Variants in ANK2 observed in about 807,000 individuals in gnomAD.
ANK2 encodes ankyrin-2.
A neutral mutation model predicts 360.5 loss-of-function variants in ANK2; 83 were observed. The observed-to-expected ratio is 0.23, with a 90% CI of 0.19 to 0.28. The LOEUF is 0.28. Among genes scored for constraint, ANK2 ranks in the 10% least tolerant of loss-of-function variants. The probability of loss-of-function intolerance (pLI) is 1.00; values close to 1 mark genes in which losing one functional copy is unlikely to be tolerated. For synonymous variants in ANK2, 1,740 were observed against 1,759.5 expected (o/e 0.99, Z 0.28); for missense variants, 4,201 against 4,795.7 (o/e 0.88, Z 3.66).
chr4:113,351,323 T>C (rs1466968769), intron 37 of ANK2, among the ~76,000 whole-genome samples: 3 of 152,176 alleles, frequency 2.0e-5, no homozygotes, highest in Non-Finnish European at 4.4e-5. Flanking sequence ...CCTAGGACAA[T>C]GTAATTTACT....
intron 1 of ANK2, among the ~76,000 whole-genome samples, chr4:113,111,783 T>C (rs2094325184): frequency 6.6e-6 from 1 of 152,226 alleles, no homozygotes; most frequent in Admixed American, 6.5e-5. Flanking sequence ...AAGATATTAG[T>C]TTCAAACTTG....
At chr4:113,001,119 G>C (rs1441228015) in intron 2 of ANK2, among the ~76,000 whole-genome samples, 1 of 152,056 alleles carries the variant, frequency 6.6e-6, no homozygotes, top group Non-Finnish European at 1.5e-5. Context: ...TGGATCACCT[G>C]TCAGGAATTT....
chr4:112,881,901 A>T, intron 1 of ANK2: 1 of 704,880 alleles, frequency 1.4e-6, no homozygotes, highest in Non-Finnish European at 2.6e-6. Flanking sequence ...TGGTTCCACA[A>T]CTCTCCCATC....
chr4:112,863,287 C>G (rs1041808716), intron 1 of ANK2, among the ~76,000 whole-genome samples: 1 of 151,884 alleles, frequency 6.6e-6, no homozygotes, highest in African/African-American at 2.4e-5. Flanking sequence ...GAAATAGTGG[C>G]TATGTATGGG....
intron 1 of ANK2, among the ~76,000 whole-genome samples, chr4:112,893,978 C>T (rs370284237): frequency 1.6e-4 from 24 of 152,138 alleles, no homozygotes; most frequent in African/African-American, 4.6e-4. Context: ...GCCTGGGCAA[C>T]GGAGCAACAC....
At chr4:112,914,808 A>G (rs74649156) in intron 2 of ANK2, among the ~76,000 whole-genome samples, 5,912 of 152,214 alleles carry the variant, frequency 0.039, 493 homozygotes, top group East Asian at 0.31. Context: ...GTTTTTTTAG[A>G]ATCAAATTCC....
chr4:113,272,355 C>T (rs1308362931), intron 14 of ANK2, among the ~76,000 whole-genome samples: 2 of 152,178 alleles, frequency 1.3e-5, no homozygotes, highest in Non-Finnish European at 2.9e-5. Flanking sequence ...ATCAGGCTTC[C>T]CTCGTTTCTT....
chr4:113,140,696 C>T (rs541582691), intron 1 of ANK2, among the ~76,000 whole-genome samples: 3 of 151,992 alleles, frequency 2.0e-5, no homozygotes, highest in South Asian at 2.1e-4. Flanking sequence ...ATAAATTAAT[C>T]GGCCGGGCCC....
At chr4:113,287,495 T>G in intron 18 of ANK2, 110 bp from the exon 19 acceptor site, 1 of 878,192 alleles carries the variant, frequency 1.1e-6, no homozygotes, top group Non-Finnish European at 1.8e-6. Context: ...GAAGAGGCTA[T>G]GAGTTTTCCA....
At chr4:113,133,225 A>G (rs2096174331) in intron 1 of ANK2, among the ~76,000 whole-genome samples, 1 of 152,178 alleles carries the variant, frequency 6.6e-6, no homozygotes, top group African/African-American at 2.4e-5. Context: ...GAAGTCGAAA[A>G]AAGTTTGACC....
At chr4:113,187,743 A>G (rs2098556281) in intron 2 of ANK2, among the ~76,000 whole-genome samples, 1 of 152,174 alleles carries the variant, frequency 6.6e-6, no homozygotes, top group South Asian at 2.1e-4. Flanking sequence ...GTGTCATATA[A>G]CGACAGGAGC....
intron 1 of ANK2, among the ~76,000 whole-genome samples, chr4:113,092,589 G>GATAC (rs910635219): frequency 2.6e-4 from 12 of 46,212 alleles, no homozygotes; most frequent in Non-Finnish European, 4.8e-4. Flanking sequence ...CTTTGAATAA[G>GATAC]TTACTATGTT....
At chr4:113,006,136 G>T (rs759045370) in intron 2 of ANK2, among the ~76,000 whole-genome samples, 7 of 152,198 alleles carry the variant, frequency 4.6e-5, no homozygotes, top group Middle Eastern at 3.4e-3. Context: ...ACAATATTCT[G>T]CATATTTCAA....
intron 1 of ANK2, among the ~76,000 whole-genome samples, chr4:113,057,119 T>C (rs1318373294): frequency 1.3e-5 from 2 of 152,180 alleles, no homozygotes; most frequent in African/African-American, 2.4e-5. Context: ...AAGCCAATGA[T>C]TGACACTTAC....
At chr4:113,030,653 C>A (rs1330920648) in intron 2 of ANK2, among the ~76,000 whole-genome samples, 3 of 151,826 alleles carry the variant, frequency 2.0e-5, no homozygotes, top group Admixed American at 2.0e-4. Context: ...TAATTCACTG[C>A]CATTGTTTAA....
intron 2 of ANK2, among the ~76,000 whole-genome samples, chr4:112,981,593 T>C (rs112245359): frequency 3.3e-5 from 5 of 152,312 alleles, no homozygotes; most frequent in African/African-American, 1.2e-4. Context: ...ATGGTTCTTT[T>C]AACAGGTGTA....
At chr4:113,270,386 G>A (rs899167404) in intron 14 of ANK2, among the ~76,000 whole-genome samples, 1 of 152,000 alleles carries the variant, frequency 6.6e-6, no homozygotes, top group Non-Finnish European at 1.5e-5. Context: ...TTCCTTAAAA[G>A]CACCACTGGC....
chr4:113,282,444 G>A (rs140669283), intron 17 of ANK2, among the ~76,000 whole-genome samples: 192 of 152,272 alleles, frequency 1.3e-3, no homozygotes, highest in African/African-American at 4.4e-3. Context: ...TTTTAGTTCT[G>A]GAGCTTTGAT....
intron 1 of ANK2, among the ~76,000 whole-genome samples, chr4:112,837,591 C>A (rs1203655020): frequency 2.0e-5 from 3 of 152,366 alleles, no homozygotes; most frequent in East Asian, 3.9e-4. Flanking sequence ...ATGAAAGCAG[C>A]CTCAGGGGCT....
Sources: gnomAD v4.1 joint callset for allele counts (sites outside exome capture counted in the v4.1 genomes callset) on GRCh38, gnomAD v4.1.1 for gene constraint, MANE v1.5 for transcripts, NCBI Gene and HGNC (gene_info 2026-07-23, HGNC 2026-07-21) for gene names.